Variants in LIMS1 observed in about 807,000 individuals in gnomAD.
LIMS1 encodes the protein LIM zinc finger domain containing 1.
Under a neutral mutation model 44.1 loss-of-function variants are expected in LIMS1, and 18 were observed. The ratio of observed to expected loss-of-function variants is 0.41; its 90% CI spans 0.28 to 0.61. The LOEUF (loss-of-function observed/expected upper bound fraction) is 0.61. Among genes scored for constraint, LIMS1 ranks in the 20% least tolerant of loss-of-function variants. The pLI is 0.32. For missense variants in LIMS1, 201 were observed against 422.0 expected, an observed-to-expected ratio of 0.48 and a Z score of 4.59; for synonymous variants, 93 against 149.1, an observed-to-expected ratio of 0.62 and a Z score of 2.74.
At chr2:108,672,245 A>C (rs1365921) in intron 3 of LIMS1, 80 bp from the exon 4 acceptor site, 1 of 1,131,700 alleles carries the variant, frequency 8.8e-7, no homozygotes, top group South Asian at 1.4e-5. Context: ...TTCCTTAATT[A>C]CTCTCTCAGT....
At chr2:108,624,909 C>T (rs1688474618) in intron 1 of LIMS1, among the ~76,000 whole-genome samples, 1 of 152,126 alleles carries the variant, frequency 6.6e-6, no homozygotes, top group Admixed American at 6.5e-5. Context: ...GGAAACCCAG[C>T]CTCTACTAAA....
At position 108,586,287 on chromosome 2, in the gene LIMS1, CTCATTT is replaced by C. The variant is rs373795606; in HGVS notation, c.32+51695_32+51700del. Among the ~76,000 whole-genome samples, 316 of 152,184 alleles carry C rather than the reference CTCATTT, an allele frequency of 2.1e-3. 3 individuals are homozygous for C. Among genetic ancestry groups the C allele is most frequent in the African/African-American group, 7.3e-3 (302 of 41,510 alleles). On this transcript the variant is annotated intron_variant, in intron 1 of 9. Transcript: ENST00000544547. ...TAGCTGGAGAGTGACTCAAGATAGA[CTCATTT>C]TAACGTAGCAGAAACTGGAGCCTAT...
chr2:108,662,295 C>G, intron 2 of LIMS1: 1 of 1,612,012 alleles, frequency 6.2e-7, no homozygotes, highest in Non-Finnish European at 8.5e-7. Flanking sequence ...CCTGCTGCCG[C>G]ATTTAGGCCC....
intron 2 of LIMS1, among the ~76,000 whole-genome samples, chr2:108,665,296 T>G (rs1244055476): frequency 1.3e-5 from 2 of 152,166 alleles, no homozygotes; most frequent in Non-Finnish European, 2.9e-5. Context: ...GCTACAAACC[T>G]GTACAGCATG....
intron 1 of LIMS1, among the ~76,000 whole-genome samples, chr2:108,585,907 T>G (rs1462211859): frequency 6.6e-6 from 1 of 152,054 alleles, no homozygotes; most frequent in Non-Finnish European, 1.5e-5. Flanking sequence ...GAAAATGGTG[T>G]CTGAGGCCGG....
rs1233977657 is a variant in LIMS1 at position 108,536,017 on chromosome 2, TAAAA to T, written c.32+1428_32+1431del. Among the ~76,000 whole-genome samples the T allele has an allele frequency of 3.9e-5, 6 of 151,970 alleles. No homozygotes were observed. In the South Asian group the frequency reaches 1.2e-3, roughly 32 times the overall value. ...CTCCTTCATCATGGACTTTTTTCCT[TAAAA>T]AAAAGTATTGACTAGTAAGTTGATA... On this transcript the variant is annotated intron_variant, in intron 1 of 9. Coordinates refer to ENST00000544547, the Ensembl canonical transcript of LIMS1.
At chr2:108,639,312 T>A (rs1325643360) in intron 1 of LIMS1, among the ~76,000 whole-genome samples, 1 of 152,198 alleles carries the variant, frequency 6.6e-6, no homozygotes, top group African/African-American at 2.4e-5. Flanking sequence ...GGGACAGTGG[T>A]ATTCATCCAG....
chr2:108,550,191 T>C (rs1271729078), intron 1 of LIMS1, among the ~76,000 whole-genome samples: 1 of 152,160 alleles, frequency 6.6e-6, no homozygotes, highest in Non-Finnish European at 1.5e-5. Context: ...AAATACAAAG[T>C]GTTTTTTTAA....
chr2:108,647,891 T>TA (rs1188914559), intron 1 of LIMS1, among the ~76,000 whole-genome samples: 1 of 152,264 alleles, frequency 6.6e-6, no homozygotes, highest in African/African-American at 2.4e-5. Flanking sequence ...GCAATCCCTT[T>TA]AAAAAACCAG....
intron 1 of LIMS1, among the ~76,000 whole-genome samples, chr2:108,553,863 G>A (rs1684837938): frequency 6.6e-6 from 1 of 152,184 alleles, no homozygotes; most frequent in Admixed American, 6.5e-5. Context: ...TCTGGTGTAT[G>A]GGGAAAACTG....
At chr2:108,621,784 G>C (rs1404450166) in intron 1 of LIMS1, among the ~76,000 whole-genome samples, 1 of 152,154 alleles carries the variant, frequency 6.6e-6, no homozygotes, top group Non-Finnish European at 1.5e-5. Context: ...TTAGTTTAAA[G>C]AGAGTTTTCT....
At chr2:108,628,019 C>A (rs1462871360) in intron 1 of LIMS1, among the ~76,000 whole-genome samples, 2 of 152,176 alleles carry the variant, frequency 1.3e-5, no homozygotes, top group East Asian at 3.9e-4. Flanking sequence ...GGCCATGCCC[C>A]CTCTGACCCC....
intron 1 of LIMS1, among the ~76,000 whole-genome samples, chr2:108,604,718 C>T (rs1259306697): frequency 6.6e-6 from 1 of 152,160 alleles, no homozygotes; most frequent in East Asian, 1.9e-4. Context: ...AAGACCACCC[C>T]CACTGCCCCT....
intron 1 of LIMS1, among the ~76,000 whole-genome samples, chr2:108,611,843 A>G (rs528038429): frequency 1.4e-5 from 2 of 142,306 alleles, no homozygotes; most frequent in African/African-American, 5.1e-5. Flanking sequence ...TAAAATATAT[A>G]TATATATATA....
intron 1 of LIMS1, among the ~76,000 whole-genome samples, chr2:108,540,882 A>G: frequency 6.6e-6 from 1 of 152,138 alleles, no homozygotes; most frequent in East Asian, 1.9e-4. Flanking sequence ...CTTTATTCAC[A>G]TTGCATTGTT....
intron 1 of LIMS1, among the ~76,000 whole-genome samples, chr2:108,609,686 C>T (rs1314014897): frequency 6.6e-6 from 1 of 152,166 alleles, no homozygotes; most frequent in African/African-American, 2.4e-5. Flanking sequence ...TCAGATCTCT[C>T]ATTAGAGGAA....
chr2:108,663,278 C>T (rs1691498826), intron 2 of LIMS1, among the ~76,000 whole-genome samples: 2 of 152,060 alleles, frequency 1.3e-5, no homozygotes, highest in South Asian at 4.1e-4. Flanking sequence ...ACTACCACAG[C>T]CAGATAATTA....
intron 1 of LIMS1, among the ~76,000 whole-genome samples, chr2:108,546,165 C>G (rs1458686265): frequency 1.3e-5 from 2 of 151,750 alleles, no homozygotes; most frequent in Non-Finnish European, 2.9e-5. Flanking sequence ...CTAGATAGTC[C>G]TTCACTTTTG....
chr2:108,596,572 C>G (rs1164282344), intron 1 of LIMS1, among the ~76,000 whole-genome samples: 9 of 152,300 alleles, frequency 5.9e-5, no homozygotes, highest in Non-Finnish European at 1.2e-4. Flanking sequence ...GCCTGTAATC[C>G]TAGCACTTTG....
Sources: allele counts gnomAD v4.1 joint callset (sites outside exome capture counted in the v4.1 genomes callset), GRCh38; gene constraint gnomAD v4.1.1; transcripts MANE v1.5; gene names NCBI Gene and HGNC (gene_info 2026-07-23, HGNC 2026-07-21).